Variants in PBX1 observed in about 807,000 individuals in gnomAD.
The protein encoded by PBX1 is pre-B-cell leukemia transcription factor 1.
A neutral mutation model predicts 53.4 loss-of-function variants in PBX1; 6 were observed. The observed-to-expected ratio is 0.11, with a 90% CI of 0.06 to 0.22. PBX1 has a LOEUF of 0.22. Ranked by LOEUF, PBX1 falls within the 10% of genes least tolerant of loss-of-function variation. The pLI, the probability that PBX1 is intolerant of heterozygous loss-of-function variation, is 1.00. For missense variants in PBX1, 251 were observed against 551.4 expected (o/e 0.46, Z 5.46); for synonymous variants, 204 against 212.3 (o/e 0.96, Z 0.34).
chr1:164,602,668 C>A (rs1262463103), intron 2 of PBX1, among the ~76,000 whole-genome samples: 1 of 151,122 alleles, frequency 6.6e-6, no homozygotes, highest in African/African-American at 2.4e-5. Context: ...TATTCCATTC[C>A]ACTACCTTCC....
intron 2 of PBX1, among the ~76,000 whole-genome samples, chr1:164,573,552 C>T (rs868399284): frequency 3.4e-4 from 48 of 140,734 alleles, no homozygotes; most frequent in South Asian, 2.9e-3. Flanking sequence ...AGTGCAGTGG[C>T]GTGATCTCGG....
intron 2 of PBX1, among the ~76,000 whole-genome samples, chr1:164,637,013 A>G (rs1409978775): frequency 2.0e-5 from 3 of 152,162 alleles, no homozygotes; most frequent in African/African-American, 7.2e-5. Flanking sequence ...CAATTTAAGA[A>G]ACAAAACTCC....
At chr1:164,833,622 C>T (rs188496387) in intron 8 of PBX1, among the ~76,000 whole-genome samples, 1 of 152,296 alleles carries the variant, frequency 6.6e-6, no homozygotes, top group East Asian at 1.9e-4. Context: ...TTTCATTCCT[C>T]TCTAGACCAT....
At chr1:164,701,715 A>C (rs531937524) in intron 2 of PBX1, among the ~76,000 whole-genome samples, 37 of 152,324 alleles carry the variant, frequency 2.4e-4, no homozygotes, top group Middle Eastern at 3.4e-3. Flanking sequence ...CCCTCACTTC[A>C]TCAGCACATG....
intron 2 of PBX1, among the ~76,000 whole-genome samples, chr1:164,779,819 C>G (rs1448915382): frequency 6.6e-6 from 1 of 151,992 alleles, no homozygotes; most frequent in East Asian, 1.9e-4. Flanking sequence ...AATGTCTGGC[C>G]AGTGAAACAG....
Position 164,846,830 on chromosome 1 carries a change from C to T in PBX1, c.*154C>T. On this transcript the variant is annotated 3_prime_UTR_variant, in exon 9 of 9. Coordinates refer to ENST00000420696, the MANE Select transcript of PBX1 (RefSeq NM_002585.4). Reference sequence around the variant, plus strand: ...TCCTTCTCTTCTCTTCTTTGGGATGCTATTTCAGCCAATCTGGACACTTCT... The same window carrying T: ...TCCTTCTCTTCTCTTCTTTGGGATGTTATTTCAGCCAATCTGGACACTTCT... 1 of 1,475,172 alleles carries T rather than the reference C, an allele frequency of 6.8e-7. No homozygotes were observed. The highest frequency in any genetic ancestry group is 2.5e-4 in the Middle Eastern group (1 of 3,988). 91.4% of individuals were successfully genotyped at this position (1,475,172 alleles called of 1,614,324 possible).
At chr1:164,786,883 A>G (rs1668225330) in intron 2 of PBX1, among the ~76,000 whole-genome samples, 1 of 152,000 alleles carries the variant, frequency 6.6e-6, no homozygotes, top group African/African-American at 2.4e-5. Context: ...ATTTTGGGGA[A>G]ATGTGCTTTG....
chr1:164,771,005 C>T (rs750654764), intron 2 of PBX1: 1 of 151,960 alleles, frequency 6.6e-6, no homozygotes, highest in Non-Finnish European at 1.5e-5. Flanking sequence ...CACTCCCAGG[C>T]CTCCTGGGAG....
chr1:164,779,552 G>A (rs1035982363), intron 2 of PBX1, among the ~76,000 whole-genome samples: 6 of 152,172 alleles, frequency 3.9e-5, no homozygotes, highest in Non-Finnish European at 5.9e-5. Context: ...AGGCAGCACC[G>A]AAAGAGAAAA....
intron 2 of PBX1, among the ~76,000 whole-genome samples, chr1:164,883,162 A>T (rs1465212294): frequency 6.6e-6 from 1 of 152,222 alleles, no homozygotes; most frequent in East Asian, 1.9e-4. Context: ...TTCAATGTTC[A>T]TTCTGAGGAG....
intron 8 of PBX1, among the ~76,000 whole-genome samples, chr1:164,832,528 A>G (rs1670818937): frequency 6.6e-6 from 1 of 152,204 alleles, no homozygotes; most frequent in Admixed American, 6.5e-5. Flanking sequence ...ATTATAACAG[A>G]AGGCAAGACT....
At chr1:164,877,671 A>C (rs561208677) in intron 2 of PBX1, among the ~76,000 whole-genome samples, 1 of 152,302 alleles carries the variant, frequency 6.6e-6, no homozygotes, top group African/African-American at 2.4e-5. Context: ...TCAAAAAAAA[A>C]AAAGTAGTTC....
At chr1:164,750,173 T>TGC (rs937979724) in intron 2 of PBX1, among the ~76,000 whole-genome samples, 2 of 151,516 alleles carry the variant, frequency 1.3e-5, no homozygotes, top group Non-Finnish European at 2.9e-5. Flanking sequence ...TGTGTGTGTG[T>TGC]GTGTGTGTGT....
intron 2 of PBX1, among the ~76,000 whole-genome samples, chr1:164,669,641 C>A (rs891755226): frequency 6.6e-6 from 1 of 152,282 alleles, no homozygotes; most frequent in African/African-American, 2.4e-5. Context: ...TCTGGGCACA[C>A]CCTACTTCCC....
intron 2 of PBX1, among the ~76,000 whole-genome samples, chr1:164,871,765 C>A (rs958762464): frequency 6.6e-5 from 10 of 152,076 alleles, no homozygotes; most frequent in Non-Finnish European, 1.5e-4. Context: ...TGTTTGTCAT[C>A]GAGGCCCCAA....
At chr1:164,635,060 A>G (rs1658663934) in intron 2 of PBX1, among the ~76,000 whole-genome samples, 1 of 128,802 alleles carries the variant, frequency 7.8e-6, no homozygotes, top group Admixed American at 8.7e-5. Flanking sequence ...GATACATCTT[A>G]GAGAAGGTAG....
intron 2 of PBX1, among the ~76,000 whole-genome samples, chr1:164,782,894 A>C (rs140578707): frequency 1.3e-5 from 2 of 152,356 alleles, no homozygotes; most frequent in East Asian, 3.9e-4. Flanking sequence ...GATCCCACCC[A>C]GAATCAAAAC....
chr1:164,810,879 G>T (rs1669574885), intron 5 of PBX1, among the ~76,000 whole-genome samples: 2 of 151,936 alleles, frequency 1.3e-5, no homozygotes, highest in African/African-American at 4.8e-5. Context: ...AAAAAGAAAG[G>T]CTTGGCATTT....
intron 2 of PBX1, among the ~76,000 whole-genome samples, chr1:164,883,735 T>C (rs1032016622): frequency 2.0e-5 from 3 of 152,204 alleles, no homozygotes; most frequent in African/African-American, 7.2e-5. Context: ...CCTTCTGTAA[T>C]GAATAGGAGT....
Sources: allele counts gnomAD v4.1 joint callset (sites outside exome capture counted in the v4.1 genomes callset), GRCh38; gene constraint gnomAD v4.1.1; transcripts MANE v1.5; gene names NCBI Gene and HGNC (gene_info 2026-07-23, HGNC 2026-07-21).